Variants in COL27A1 observed in about 807,000 individuals in gnomAD.
The protein encoded by COL27A1 is collagen type XXVII alpha 1 chain, also known as collagen alpha-1(XXVII) chain.
A neutral mutation model predicts 251.3 loss-of-function variants in COL27A1; 106 were observed. The ratio of observed to expected loss-of-function variants is 0.42; its 90% CI spans 0.36 to 0.50. The LOEUF (loss-of-function observed/expected upper bound fraction) is 0.50. Ranked by LOEUF, COL27A1 falls within the 20% of genes least tolerant of loss-of-function variation. The pLI, the probability that COL27A1 is intolerant of heterozygous loss-of-function variation, is 0.00. For synonymous variants in COL27A1, 1,000 were observed against 986.3 expected, an observed-to-expected ratio of 1.01 and a Z score of -0.26; for missense variants, 2,325 against 2,522.8, an observed-to-expected ratio of 0.92 and a Z score of 1.68.
At chr9:114,300,598 A>C in intron 50 of COL27A1, 27 bp from the exon 51 acceptor site, 1 of 1,531,892 alleles carries the variant, frequency 6.5e-7, no homozygotes, top group Non-Finnish European at 8.8e-7. Context: ...TGCCAAGTAC[A>C]GACAGCCCTT....
chr9:114,270,584 C>A, intron 35 of COL27A1, 144 bp from the exon 36 acceptor site: 2 of 625,806 alleles, frequency 3.2e-6, no homozygotes, highest in South Asian at 2.0e-5. Flanking sequence ...ACCATGCACC[C>A]ACTGTGTGCC....
intron 7 of COL27A1, among the ~76,000 whole-genome samples, chr9:114,201,206 C>G (rs1380001431): frequency 6.6e-6 from 1 of 152,236 alleles, no homozygotes; most frequent in Admixed American, 6.5e-5. Flanking sequence ...ACACCACGTT[C>G]CCTGGAGCTC....
At chr9:114,301,758 G>A in intron 55 of COL27A1, 41 bp downstream of exon 55, 3 of 1,595,178 alleles carry the variant, frequency 1.9e-6, no homozygotes, top group Non-Finnish European at 2.6e-6. Flanking sequence ...ACTCCTGGGG[G>A]GTTCCTTTGA....
intron 7 of COL27A1, among the ~76,000 whole-genome samples, chr9:114,202,294 G>T (rs1239758915): frequency 6.6e-6 from 1 of 152,218 alleles, no homozygotes; most frequent in African/African-American, 2.4e-5. Flanking sequence ...ACAGGAGCTG[G>T]TGATGGCCAA....
chr9:114,299,110 G>A (rs1253556868), intron 49 of COL27A1, among the ~76,000 whole-genome samples: 1 of 152,038 alleles, frequency 6.6e-6, no homozygotes, highest in Non-Finnish European at 1.5e-5. Context: ...TAGATTAAAT[G>A]GGACCCTCCC....
intron 57 of COL27A1, among the ~76,000 whole-genome samples, chr9:114,305,602 G>C (rs1309003511): frequency 6.6e-6 from 1 of 152,188 alleles, no homozygotes; most frequent in Admixed American, 6.5e-5. Context: ...TTGGCTACCT[G>C]CCAGGGGCTC....
chr9:114,227,498 G>T (rs1208838968), intron 14 of COL27A1, among the ~76,000 whole-genome samples: 2 of 152,076 alleles, frequency 1.3e-5, no homozygotes, highest in Non-Finnish European at 2.9e-5. Flanking sequence ...CTGTAAAAGG[G>T]AGTGGGACTG....
At chr9:114,254,848 T>G (rs1200371615) in intron 27 of COL27A1, among the ~76,000 whole-genome samples, 1 of 152,376 alleles carries the variant, frequency 6.6e-6, no homozygotes, top group East Asian at 1.9e-4. Flanking sequence ...AGACTCTCAC[T>G]GTCTGGTGGG....
At chr9:114,182,902 C>T in intron 4 of COL27A1, 120 bp from the exon 5 acceptor site, 1 of 864,646 alleles carries the variant, frequency 1.2e-6, no homozygotes, top group Non-Finnish European at 1.9e-6. Flanking sequence ...GTTGCTAGGG[C>T]TTGGCTTGGG....
chr9:114,189,419 A>G (rs903128285), intron 5 of COL27A1, among the ~76,000 whole-genome samples: 11 of 152,194 alleles, frequency 7.2e-5, no homozygotes, highest in African/African-American at 1.9e-4. Context: ...TATGACATTT[A>G]CTATCTTTAT....
In COL27A1 at chr9:114,304,592, T is replaced by G; in HGVS notation, c.4873-16T>G. ...CTGGGGGGCCACGATACATACCCTG[T>G]CTTTTCCTTGCCCAGCAACAAGATG... On this transcript the variant is annotated splice_polypyrimidine_tract_variant and intron_variant, in intron 56 of 60. Coordinates refer to ENST00000356083, the MANE Select transcript of COL27A1 (RefSeq NM_032888.4). 6.2e-7 allele frequency: 1 copy of G among 1,614,062 alleles called. No individual in the cohort carries two copies. Among genetic ancestry groups the G allele is most frequent in the Non-Finnish European group, 8.5e-7 (1 of 1,179,928 alleles).
At position 114,266,629 on chromosome 9, in the gene COL27A1, G is replaced by A; in HGVS notation, c.3447+11G>A. The stretch of plus-strand genomic sequence containing the variant: ...GAGATGGGACCCAAGGTGAGTGTGA[G>A]AGACCCTTATTCGTCCCATGATGCT... On this transcript the variant is annotated intron_variant, in intron 33 of 60. Coordinates refer to ENST00000356083, the MANE Select transcript of COL27A1 (RefSeq NM_032888.4). 1 of 1,612,838 alleles carries A rather than the reference G, an allele frequency of 6.2e-7. No individual in the cohort carries two copies. Among genetic ancestry groups the A allele is most frequent in the South Asian group, 1.1e-5 (1 of 91,034 alleles).
chr9:114,169,460 G>C lies in COL27A1; in HGVS notation c.1905G>C (p.Leu635Phe). Residue 635 changes from leucine (L) to phenylalanine (F), a missense_variant, in exon 3 of 61, where the codon TTG (leucine) becomes TTC (phenylalanine). This residue lies in a region of COL27A1 where 1,183 missense variants were observed against 1,144.1 expected (regional missense o/e 1.03). Transcript: ENST00000356083. ...CGGGACCCAAGGGAGACTGTGGCTT[G>C]CCGGTAAGACTGAGTGGGGTCTGCA... Reference protein sequence around the residue: ...GPPGPKGDCGLPGPPGLPGLP... With the variant: ...GPPGPKGDCGFPGPPGLPGLP... 2.0e-6 allele frequency: 3 copies of C among 1,528,026 alleles called. No individual in the cohort carries two copies. Among genetic ancestry groups the C allele is most frequent in the Non-Finnish European group, 2.6e-6 (3 of 1,140,824 alleles). 94.7% of individuals were successfully genotyped at this position (1,528,026 alleles called of 1,614,324 possible).
chr9:114,224,909 G>A (rs1352609141), intron 14 of COL27A1, among the ~76,000 whole-genome samples: 1 of 151,864 alleles, frequency 6.6e-6, no homozygotes, highest in African/African-American at 2.4e-5. Context: ...TGCCCACCTC[G>A]ACCTCCCAAA....
At chr9:114,171,550 A>G (rs769572330) in intron 3 of COL27A1, among the ~76,000 whole-genome samples, 34 of 151,916 alleles carry the variant, frequency 2.2e-4, no homozygotes, top group African/African-American at 7.7e-4. Context: ...TGCATCCTTA[A>G]TCTCCCAGGC....
In COL27A1 at chr9:114,242,233, T is replaced by C; in HGVS notation, c.2880+2T>C. ...CCGCCAGGGGCCCCTGGCTTGGAGG[T>C]GAGTGTCACTGGCCTGGGGTAGGTG... On this transcript the variant is annotated splice_donor_variant, in intron 22 of 60. Coordinates refer to ENST00000356083, the MANE Select transcript of COL27A1 (RefSeq NM_032888.4). LOFTEE classifies it high-confidence loss of function. 1 of 1,609,346 alleles carries C rather than the reference T, an allele frequency of 6.2e-7. No homozygotes were observed. Among genetic ancestry groups the C allele is most frequent in the South Asian group, 1.1e-5 (1 of 90,406 alleles).
rs373214163 is a variant in COL27A1, at chr9:114,267,534, C to T, written c.3478C>T (p.Leu1160Phe). 54 of 1,596,064 alleles carry T rather than the reference C, an allele frequency of 3.4e-5. No homozygotes were observed. The Middle Eastern group carries it at 1.0e-3, about 30-fold the overall frequency. The change falls in exon 34 of 61, where the codon CTT becomes TTT. Residue 1160 changes from leucine (L) to phenylalanine (F), a missense_variant. Leu to Phe is a conservative substitution (Grantham distance 22). Coordinates refer to ENST00000356083, the MANE Select transcript of COL27A1 (RefSeq NM_032888.4). ...GCCTGGTGCAGTGGGAGAACCGGGC[C>T]TTCCTGGGGAAGCCGGGATGAAGGT... is the stretch of plus-strand genomic sequence containing the variant. ...GPPGAVGEPG[L>F]PGEAGMKGDL...
chr9:114,306,316 G>A, intron 57 of COL27A1: 1 of 564,498 alleles, frequency 1.8e-6, no homozygotes, highest in Non-Finnish European at 3.1e-6. Flanking sequence ...AAGCCTCTGA[G>A]CCATTGTGAT....
At chr9:114,230,948 C>G in intron 14 of COL27A1, 131 bp from the exon 15 acceptor site, 1 of 648,262 alleles carries the variant, frequency 1.5e-6, no homozygotes, top group Non-Finnish European at 2.7e-6. Context: ...ATTCCAGATT[C>G]CAAGATCAAT....
Sources: gnomAD v4.1 joint callset for allele counts (sites outside exome capture counted in the v4.1 genomes callset) on GRCh38, gnomAD v4.1.1 for gene constraint, gnomAD v4.1.1 regional missense constraint, MANE v1.5 for transcripts, NCBI Gene and HGNC (gene_info 2026-07-23, HGNC 2026-07-21) for gene names.